The following PTPRT variants were observed in gnomAD, a reference collection of about 807,000 sequenced individuals.
PTPRT encodes the protein receptor-type tyrosine-protein phosphatase T.
PTPRT carries 56 observed loss-of-function variants against 176.8 expected under a neutral mutation model. That is an observed-to-expected ratio of 0.32 (90% confidence interval 0.26 to 0.40). The LOEUF (loss-of-function observed/expected upper bound fraction) is 0.40. Among genes scored for constraint, PTPRT ranks in the 10% least tolerant of loss-of-function variants. The pLI is 1.00. For synonymous variants in PTPRT, 783 were observed against 739.0 expected (o/e 1.06, Z -0.96); for missense variants, 1,540 against 1,908.2 (o/e 0.81, Z 3.60).
intron 28 of PTPRT, among the ~76,000 whole-genome samples, chr20:42,085,512 C>G (rs1322020707): frequency 6.6e-6 from 1 of 152,158 alleles, no homozygotes; most frequent in Non-Finnish European, 1.5e-5. Flanking sequence ...AGGAAACAGG[C>G]AGATGGCAGG....
the PTPRT span, among the ~76,000 whole-genome samples, chr20:42,037,601 C>G: frequency 9.6e-3 from 1,458 of 152,238 alleles, 28 homozygotes; most frequent in African/African-American, 0.034. Flanking sequence ...TAATGACAGT[C>G]GTTTCTACTG....
intron 3 of PTPRT, among the ~76,000 whole-genome samples, chr20:42,790,167 T>A (rs1418350434): frequency 6.6e-6 from 1 of 152,102 alleles, no homozygotes; most frequent in Non-Finnish European, 1.5e-5. Context: ...GTCATGGGAT[T>A]GCACACTTAA....
intron 1 of PTPRT, among the ~76,000 whole-genome samples, chr20:42,915,366 T>C (rs1324519736): frequency 6.6e-6 from 1 of 152,222 alleles, no homozygotes; most frequent in Non-Finnish European, 1.5e-5. Flanking sequence ...TCCCTGACAG[T>C]AGCTGGCCCC....
chr20:42,119,762 C>T (rs76121738), intron 20 of PTPRT, among the ~76,000 whole-genome samples, 173 bp downstream of exon 20: 5,121 of 152,294 alleles, frequency 0.034, 269 homozygotes, highest in African/African-American at 0.12. Context: ...CCTACCCCTC[C>T]GTGGCTTCTT....
chr20:42,514,504 T>C (rs1456829605), intron 7 of PTPRT, among the ~76,000 whole-genome samples: 1 of 152,230 alleles, frequency 6.6e-6, no homozygotes, highest in Middle Eastern at 3.2e-3. Flanking sequence ...TACTTATTTG[T>C]TGCTGGCTTT....
At chr20:42,481,904 C>T (rs1225154343) in intron 7 of PTPRT, among the ~76,000 whole-genome samples, 1 of 152,084 alleles carries the variant, frequency 6.6e-6, no homozygotes, top group African/African-American at 2.4e-5. Flanking sequence ...GGGTTCTTGA[C>T]TGCAACACTA....
intron 1 of PTPRT, among the ~76,000 whole-genome samples, chr20:42,962,434 A>T (rs206673): frequency 0.1 from 15,667 of 152,102 alleles, 1,765 homozygotes; most frequent in African/African-American, 0.28. Context: ...ATAGGGATGA[A>T]AAGAATACCT....
intron 19 of PTPRT, among the ~76,000 whole-genome samples, chr20:42,126,805 A>T (rs765892609): frequency 2.8e-4 from 42 of 152,214 alleles, no homozygotes; most frequent in Non-Finnish European, 5.1e-4. Context: ...TACTGGATGT[A>T]TGAAGGAAAG....
chr20:42,161,553 A>T lies in PTPRT; in HGVS notation c.2492-11T>A, dbSNP rs1348870323. ...CGCGGCTGCCATCTGCTTCGAAAAGAAGGAGGCAGAACAGATCATCACCTA... is the reference window on the plus strand; with the variant it reads ...CGCGGCTGCCATCTGCTTCGAAAAGTAGGAGGCAGAACAGATCATCACCTA... On this transcript the variant is annotated splice_polypyrimidine_tract_variant and intron_variant, in intron 16 of 30. Coordinates refer to ENST00000373187, the MANE Select transcript of PTPRT (RefSeq NM_007050.6). The T allele has an allele frequency of 6.3e-7, 1 of 1,593,900 alleles. No homozygotes were observed. The highest frequency in any genetic ancestry group is 1.2e-5 in the South Asian group (1 of 86,072).
At chr20:43,102,248 A>ATC (rs111672972) in intron 1 of PTPRT, among the ~76,000 whole-genome samples, 27 of 146,750 alleles carry the variant, frequency 1.8e-4, no homozygotes, top group Non-Finnish European at 2.6e-4. Context: ...TTCACTGGAC[A>ATC]TCTCTCTCTC....
intron 1 of PTPRT, among the ~76,000 whole-genome samples, chr20:42,899,872 G>A (rs995974897): frequency 6.6e-6 from 1 of 152,164 alleles, no homozygotes; most frequent in African/African-American, 2.4e-5. Flanking sequence ...AAATTTCTGA[G>A]CCTCCACTTC....
intron 1 of PTPRT, among the ~76,000 whole-genome samples, chr20:43,170,697 T>C (rs1282513203): frequency 1.3e-5 from 2 of 152,194 alleles, no homozygotes; most frequent in East Asian, 1.9e-4. Context: ...ATTATTCCCA[T>C]TGACAGCGGG....
At chr20:42,834,169 T>C (rs1417116865) in intron 2 of PTPRT, among the ~76,000 whole-genome samples, 1 of 152,164 alleles carries the variant, frequency 6.6e-6, no homozygotes, top group Non-Finnish European at 1.5e-5. Flanking sequence ...TAATAACAGC[T>C]CAATTTTTTA....
At chr20:43,097,821 A>G (rs748179585) in intron 1 of PTPRT, among the ~76,000 whole-genome samples, 8 of 152,218 alleles carry the variant, frequency 5.3e-5, no homozygotes, top group Admixed American at 1.3e-4. Flanking sequence ...AGCTCCTTAG[A>G]GGAAACAGCA....
intron 6 of PTPRT, among the ~76,000 whole-genome samples, chr20:42,693,852 A>T (rs1386275898): frequency 1.3e-5 from 2 of 152,130 alleles, no homozygotes; most frequent in African/African-American, 4.8e-5. Context: ...CTACTCCTTT[A>T]GAACCACAAC....
intron 11 of PTPRT, among the ~76,000 whole-genome samples, chr20:42,327,138 T>C (rs1462074215): frequency 6.6e-6 from 1 of 151,380 alleles, no homozygotes; most frequent in Non-Finnish European, 1.5e-5. Context: ...AAACATATAA[T>C]TTTATGTATA....
intron 6 of PTPRT, among the ~76,000 whole-genome samples, chr20:42,706,471 T>C (rs1035287635): frequency 6.6e-6 from 1 of 152,138 alleles, no homozygotes; most frequent in Non-Finnish European, 1.5e-5. Context: ...AGCAAGTTAC[T>C]TGCTGCATTA....
rs774938394 is a variant in PTPRT, at chr20:42,791,250, T to C, written c.431A>G (p.Glu144Gly). ...PVWNVSGVVT[E>G]GWVKAELAIS... ...GGCGAGCTCTGCCTTCACCCAGCCC[T>C]CAGTGACGACCCCGGACACATTCCA... Residue 144 changes from glutamate (E) to glycine (G), a missense_variant, in exon 3 of 31, where the codon GAG becomes GGG. Physicochemically the swap from Glu to Gly is moderately conservative, Grantham distance 98 (BLOSUM62 -2). Transcript: ENST00000373187. The C allele has an allele frequency of 7.4e-6, 12 of 1,612,052 alleles. No individual in the cohort carries two copies. The African/African-American group carries it at 1.2e-4, about 16-fold the overall frequency.
At chr20:42,843,419 G>C (rs895924179) in intron 2 of PTPRT, among the ~76,000 whole-genome samples, 4 of 152,112 alleles carry the variant, frequency 2.6e-5, no homozygotes, top group Non-Finnish European at 5.9e-5. Context: ...TACTAGGCAG[G>C]AACCTGTCAG....
Sources: allele counts gnomAD v4.1 joint callset (sites outside exome capture counted in the v4.1 genomes callset), GRCh38; gene constraint gnomAD v4.1.1; transcripts MANE v1.5; gene names NCBI Gene and HGNC (gene_info 2026-07-23, HGNC 2026-07-21).